IGSF21: variants seen among roughly 807,000 people sequenced by gnomAD.
IGSF21 encodes immunoglobin superfamily member 21.
Under a neutral mutation model 46.8 loss-of-function variants are expected in IGSF21, and 28 were observed. That is an observed-to-expected ratio of 0.60 (90% CI 0.44 to 0.82). The LOEUF (loss-of-function observed/expected upper bound fraction) is 0.82. Among genes scored for constraint, IGSF21 ranks in the 40% least tolerant of loss-of-function variants. The pLI is 0.00. For synonymous variants in IGSF21, 284 were observed against 273.6 expected (o/e 1.04, Z -0.38); for missense variants, 624 against 665.5 (o/e 0.94, Z 0.69).
chr1:18,203,454 G>C (rs2087096886), intron 1 of IGSF21, among the ~76,000 whole-genome samples: 1 of 152,150 alleles, frequency 6.6e-6, no homozygotes, highest in Non-Finnish European at 1.5e-5. Flanking sequence ...GACTACAGGT[G>C]CATGCCGCCA....
At chr1:18,304,730 T>TACACACACACACACACACACACAC in intron 3 of IGSF21, among the ~76,000 whole-genome samples, 1 of 128,384 alleles carries the variant, frequency 7.8e-6, no homozygotes, top group East Asian at 2.0e-4. Context: ...CACACACACA[T>TACACACACACACACACACACACAC]ACACACACAC....
At chr1:18,242,156 A>G (rs184725568) in intron 2 of IGSF21, among the ~76,000 whole-genome samples, 88 of 152,250 alleles carry the variant, frequency 5.8e-4, no homozygotes, top group African/African-American at 2.0e-3. Flanking sequence ...AACAGCTTCC[A>G]CCCTGCAGAG....
At chr1:18,229,301 C>T (rs904831922) in intron 2 of IGSF21, among the ~76,000 whole-genome samples, 1 of 149,748 alleles carries the variant, frequency 6.7e-6, no homozygotes, top group African/African-American at 2.5e-5. Context: ...TTGGAGCTGT[C>T]ACCACATCTA....
rs2085271280 is a variant in IGSF21, at chr1:18,291,916, G to A, written c.234G>A (p.Met78Ile). ...AAAAGATCTTCACCTTCGACGCCAT[G>A]TTCTCCACCAACTACTCACACATGG... Reference protein sequence around the residue: ...IKQKIFTFDAMFSTNYSHMEN... With the variant: ...IKQKIFTFDAIFSTNYSHMEN... Residue 78 changes from methionine to isoleucine, a missense_variant, in exon 3 of 10, where the codon ATG (methionine) becomes ATA (isoleucine). Transcript: ENST00000251296. 6.2e-7 allele frequency: 1 copy of A among 1,613,918 alleles called. No individual in the cohort carries two copies. Among genetic ancestry groups the A allele is most frequent in the Non-Finnish European group, 8.5e-7 (1 of 1,180,026 alleles).
Position 18,108,132 on chromosome 1 carries a change from C to A in IGSF21, c.4C>A (p.Arg2=). Residue 2 remains arginine, a synonymous_variant, in exon 1 of 10, where the codon CGA becomes AGA. Coordinates refer to ENST00000251296, the MANE Select transcript of IGSF21 (RefSeq NM_032880.5). M[R]TAPSLRRCVC... is the part of the protein sequence containing the mutation. Reference sequence around the variant, plus strand: ...CCGCCGCCAGCTCCCGGGCACCATGCGAACCGCCCCGAGCCTCCGCCGCTG... The same window carrying A: ...CCGCCGCCAGCTCCCGGGCACCATGAGAACCGCCCCGAGCCTCCGCCGCTG... 2 of 1,412,012 alleles carry A rather than the reference C, an allele frequency of 1.4e-6. No individual in the cohort carries two copies. The highest frequency in any genetic ancestry group is 2.6e-5 in the Admixed American group (1 of 38,360). The allele number at this position is 1,412,012 out of a possible 1,614,324, so 87.5% of individuals were successfully genotyped here.
intron 4 of IGSF21, among the ~76,000 whole-genome samples, chr1:18,352,847 G>A (rs1196422069): frequency 6.6e-6 from 1 of 152,196 alleles, no homozygotes; most frequent in African/African-American, 2.4e-5. Flanking sequence ...CCTCCCTGCA[G>A]AGCAGAGGCG....
At chr1:18,363,733 G>C (rs537078627) in intron 5 of IGSF21, among the ~76,000 whole-genome samples, 1 of 151,796 alleles carries the variant, frequency 6.6e-6, no homozygotes, top group Non-Finnish European at 1.5e-5. Context: ...TGATGGGCAG[G>C]GGAGTAGAGA....
chr1:18,207,798 A>G (rs947429037), intron 1 of IGSF21, among the ~76,000 whole-genome samples: 2 of 152,168 alleles, frequency 1.3e-5, no homozygotes, highest in African/African-American at 4.8e-5. Context: ...AGACCAGTCC[A>G]TGTTCTGGTC....
At chr1:18,323,811 C>A (rs568551729) in intron 3 of IGSF21, among the ~76,000 whole-genome samples, 58 of 152,278 alleles carry the variant, frequency 3.8e-4, no homozygotes, top group African/African-American at 1.3e-3. Context: ...TGACAGAAAC[C>A]ATTTTCAGGT....
At position 18,290,719 on chromosome 1, in the gene IGSF21, G is replaced by A. The variant is rs1465072482; in HGVS notation, c.184-1147G>A. Among the ~76,000 whole-genome samples, 2 of 152,170 alleles carry A rather than the reference G, an allele frequency of 1.3e-5. No individual in the cohort carries two copies. Among genetic ancestry groups the A allele is most frequent in the Non-Finnish European group, 2.9e-5 (2 of 68,022 alleles). ...TGTCTAGGGCCAGTACTCCCAGGCA[G>A]GTGACAGGGGGACAGATTCACACTC... On this transcript the variant is annotated intron_variant, in intron 2 of 9. Coordinates refer to ENST00000251296, the MANE Select transcript of IGSF21 (RefSeq NM_032880.5). This position sits in a 1 kb window ranked among gnomAD's most constrained non-coding sequence, Gnocchi z 4.2.
chr1:18,327,496 T>A (rs2085668989), intron 3 of IGSF21, among the ~76,000 whole-genome samples: 1 of 152,136 alleles, frequency 6.6e-6, no homozygotes, highest in Non-Finnish European at 1.5e-5. Context: ...CATCCAGGTG[T>A]CCATCAACAG....
chr1:18,148,757 C>A (rs2086493771), intron 1 of IGSF21, among the ~76,000 whole-genome samples: 2 of 152,124 alleles, frequency 1.3e-5, no homozygotes, highest in Non-Finnish European at 2.9e-5. Context: ...TCAGAGATAT[C>A]ATATCATCGC....
At chr1:18,341,543 T>A (rs1010152770) in intron 4 of IGSF21, among the ~76,000 whole-genome samples, 2 of 152,176 alleles carry the variant, frequency 1.3e-5, no homozygotes, top group African/African-American at 4.8e-5. Context: ...GGGCACTGAC[T>A]AATATGCAGG....
chr1:18,238,622 TGA>T (rs151299964), intron 2 of IGSF21, among the ~76,000 whole-genome samples: 18,747 of 75,524 alleles, frequency 0.25, 2,490 homozygotes, highest in East Asian at 0.39. Flanking sequence ...TCCAAACTCT[TGA>T]GAGGGGGTGC....
intron 2 of IGSF21, among the ~76,000 whole-genome samples, chr1:18,246,900 G>A (rs1018959601): frequency 2.0e-5 from 3 of 152,242 alleles, no homozygotes; most frequent in African/African-American, 7.2e-5. Flanking sequence ...GCGAATCTTT[G>A]TTGGTTATTG....
chr1:18,195,318 G>A (rs543817125), intron 1 of IGSF21, among the ~76,000 whole-genome samples: 5 of 152,282 alleles, frequency 3.3e-5, no homozygotes, highest in African/African-American at 1.2e-4. Flanking sequence ...TGCCAGCCTC[G>A]GAACAGCACA....
intron 1 of IGSF21, among the ~76,000 whole-genome samples, chr1:18,164,285 T>C (rs994440359): frequency 2.0e-5 from 3 of 152,076 alleles, no homozygotes; most frequent in African/African-American, 7.2e-5. Context: ...CCTTGCTCCT[T>C]CCCTCTCCCC....
chr1:18,149,465 C>T (rs1308001104), intron 1 of IGSF21, among the ~76,000 whole-genome samples: 1 of 152,164 alleles, frequency 6.6e-6, no homozygotes, highest in Non-Finnish European at 1.5e-5. Flanking sequence ...TGAATGCTGG[C>T]GAATCACAGA....
chr1:18,137,399 T>TCC (rs1256163103), intron 1 of IGSF21, among the ~76,000 whole-genome samples: 1 of 152,134 alleles, frequency 6.6e-6, no homozygotes. Context: ...ATCCACCTGA[T>TCC]CCCCCTGATC....
Sources: allele counts gnomAD v4.1 joint callset (sites outside exome capture counted in the v4.1 genomes callset), GRCh38; gene constraint gnomAD v4.1.1; non-coding constraint Gnocchi (gnomAD v3.1); transcripts MANE v1.5; gene names NCBI Gene and HGNC (gene_info 2026-07-23, HGNC 2026-07-21).